Variants in SNX29 observed in about 807,000 individuals in gnomAD.
The protein encoded by SNX29 is sorting nexin-29.
In SNX29, 78 loss-of-function variants were observed where a neutral mutation model predicts 102.1. That is an observed-to-expected ratio of 0.76 (90% confidence interval 0.64 to 0.92). The LOEUF (loss-of-function observed/expected upper bound fraction) is 0.92. Ranked by LOEUF, SNX29 falls within the 40% of genes least tolerant of loss-of-function variation. The pLI is 0.00. For missense variants in SNX29, 1,280 were observed against 1,061.7 expected (o/e 1.21, Z -2.86); for synonymous variants, 580 against 414.5 (o/e 1.40, Z -4.85).
chr16:12,049,777 G>A (rs921604307), intron 7 of SNX29, among the ~76,000 whole-genome samples: 135 of 151,850 alleles, frequency 8.9e-4, no homozygotes, highest in Middle Eastern at 3.4e-3. Flanking sequence ...AAATTTTGTT[G>A]TAGTATGTAT....
intron 14 of SNX29, among the ~76,000 whole-genome samples, chr16:12,245,527 T>C (rs936044133): frequency 3.3e-5 from 5 of 152,024 alleles, no homozygotes; most frequent in Non-Finnish European, 7.4e-5. Context: ...CTTCTAGTTA[T>C]ATTTATGGGG....
At position 12,569,826 on chromosome 16, in the gene SNX29, C is replaced by G. The variant is rs747760155; in HGVS notation, c.*1197C>G. On this transcript the variant is annotated 3_prime_UTR_variant, in exon 21 of 21. Transcript: ENST00000566228. ...AGCAAAGTTGTGGCAGTTTGCATTT[C>G]TAGGGTAAACTAACTAGGAAGGATG... 24 of 230,522 alleles carry G rather than the reference C, an allele frequency of 1.0e-4. No homozygotes were observed. The highest frequency in any genetic ancestry group is 1.3e-3 in the Middle Eastern group (1 of 774). 14.3% of individuals were successfully genotyped at this position (230,522 alleles called of 1,614,324 possible).
intron 3 of SNX29, among the ~76,000 whole-genome samples, chr16:12,012,581 G>T (rs1037193307): frequency 2.6e-5 from 4 of 151,834 alleles, no homozygotes; most frequent in African/African-American, 9.6e-5. Context: ...GCTAATGTTT[G>T]TATTTCTCGT....
chr16:12,032,520 T>G (rs929651143), intron 4 of SNX29, among the ~76,000 whole-genome samples: 6 of 152,068 alleles, frequency 3.9e-5, no homozygotes, highest in Admixed American at 6.6e-5. Flanking sequence ...ATTTTCTTCT[T>G]TTTAAAGGCT....
intron 20 of SNX29, among the ~76,000 whole-genome samples, chr16:12,562,067 G>T (rs7195488): frequency 1.1e-4 from 16 of 141,276 alleles, no homozygotes; most frequent in Middle Eastern, 3.6e-3. Context: ...TTTCCTTCCC[G>T]TGTTTTCTGC....
intron 19 of SNX29, among the ~76,000 whole-genome samples, chr16:12,485,276 A>C (rs1427295566): frequency 6.6e-6 from 1 of 152,194 alleles, no homozygotes; most frequent in Non-Finnish European, 1.5e-5. Context: ...CTTTAGCAGC[A>C]TGAGGGCTTA....
chr16:12,002,527 CAT>C (rs1011795322), intron 2 of SNX29, among the ~76,000 whole-genome samples: 3 of 151,806 alleles, frequency 2.0e-5, no homozygotes, highest in Non-Finnish European at 4.4e-5. Flanking sequence ...CCAGATGACT[CAT>C]ATGAGGCTTG....
At chr16:12,125,605 C>CTCTTT (rs2054175978) in intron 11 of SNX29, among the ~76,000 whole-genome samples, 3 of 45,454 alleles carry the variant, frequency 6.6e-5, no homozygotes, top group Admixed American at 2.8e-4. Flanking sequence ...TGAGATCTCT[C>CTCTTT]TTTTTTTTTT....
intron 16 of SNX29, among the ~76,000 whole-genome samples, chr16:12,390,178 G>GTGTGTGTGTGTGTGTA (rs1303815035): frequency 8.7e-5 from 13 of 149,444 alleles, no homozygotes; most frequent in African/African-American, 3.0e-4. Flanking sequence ...GTGTGTGTGT[G>GTGTGTGTGTGTGTGTA]TGTATGTATA....
At chr16:12,455,475 A>C (rs1401559247) in intron 18 of SNX29, among the ~76,000 whole-genome samples, 1 of 152,228 alleles carries the variant, frequency 6.6e-6, no homozygotes, top group Non-Finnish European at 1.5e-5. Flanking sequence ...TCTGGCTCCC[A>C]GAGCCCTGGC....
chr16:12,234,553 G>A (rs903657912), intron 14 of SNX29, among the ~76,000 whole-genome samples: 1 of 151,864 alleles, frequency 6.6e-6, no homozygotes, highest in Non-Finnish European at 1.5e-5. Context: ...AGGCATACCT[G>A]TTTTTAATTC....
At chr16:12,365,074 C>G (rs1385360609) in intron 16 of SNX29, among the ~76,000 whole-genome samples, 2 of 152,178 alleles carry the variant, frequency 1.3e-5, no homozygotes, top group Non-Finnish European at 2.9e-5. Flanking sequence ...CCCAAAGGCA[C>G]ACAGCTTCAT....
intron 18 of SNX29, among the ~76,000 whole-genome samples, chr16:12,419,153 G>A (rs1267760151): frequency 6.6e-6 from 1 of 152,150 alleles, no homozygotes; most frequent in East Asian, 1.9e-4. Context: ...TAGTTCCGAT[G>A]TTTCTCCCTG....
chr16:12,451,207 A>G (rs1397944186), intron 18 of SNX29, among the ~76,000 whole-genome samples: 1 of 152,186 alleles, frequency 6.6e-6, no homozygotes, highest in Non-Finnish European at 1.5e-5. Flanking sequence ...TGCCAACCAC[A>G]TTCCTCTAAA....
intron 20 of SNX29, among the ~76,000 whole-genome samples, chr16:12,561,967 C>T (rs1354238824): frequency 2.0e-5 from 3 of 152,130 alleles, no homozygotes; most frequent in African/African-American, 4.8e-5. Flanking sequence ...CATGATGTCC[C>T]CAGAGTGTCT....
chr16:12,197,296 G>A (rs954712139), intron 13 of SNX29, among the ~76,000 whole-genome samples: 1 of 152,150 alleles, frequency 6.6e-6, no homozygotes, highest in Non-Finnish European at 1.5e-5. Flanking sequence ...CAGGCTGGGC[G>A]TGGTGGCTCA....
chr16:12,244,212 C>A (rs1241747862), intron 14 of SNX29, among the ~76,000 whole-genome samples: 1 of 152,168 alleles, frequency 6.6e-6, no homozygotes, highest in East Asian at 1.9e-4. Flanking sequence ...CAGGCCACAA[C>A]CATTACAGGT....
At chr16:12,492,186 C>G (rs2088584569) in intron 19 of SNX29, among the ~76,000 whole-genome samples, 2 of 152,208 alleles carry the variant, frequency 1.3e-5, no homozygotes, top group Non-Finnish European at 2.9e-5. Context: ...TCCTCGCCAG[C>G]ACCTGTTGTT....
At chr16:12,478,942 A>G (rs936472793) in intron 19 of SNX29, among the ~76,000 whole-genome samples, 4 of 152,194 alleles carry the variant, frequency 2.6e-5, no homozygotes, top group African/African-American at 4.8e-5. Flanking sequence ...TATGTGTTCA[A>G]TAGCTTGGCA....
Sources: allele counts gnomAD v4.1 joint callset (sites outside exome capture counted in the v4.1 genomes callset), GRCh38; gene constraint gnomAD v4.1.1; transcripts MANE v1.5; gene names NCBI Gene and HGNC (gene_info 2026-07-23, HGNC 2026-07-21).